The following LHFPL6 variants were observed in gnomAD, a reference collection of about 807,000 sequenced individuals.
The protein encoded by LHFPL6 is LHFPL tetraspan subfamily member 6.
LHFPL6 carries 9 observed loss-of-function variants against 20.6 expected under a neutral mutation model. The ratio of observed to expected loss-of-function variants is 0.44; its 90% CI spans 0.26 to 0.76. The LOEUF (loss-of-function observed/expected upper bound fraction) is 0.76, where lower values mean the gene tolerates loss of function less well. Ranked by LOEUF, LHFPL6 falls within the 30% of genes least tolerant of loss-of-function variation. The pLI, the probability that LHFPL6 is intolerant of heterozygous loss-of-function variation, is 0.20. For missense variants in LHFPL6, 218 were observed against 253.5 expected (o/e 0.86, Z 0.95); for synonymous variants, 105 against 98.7 (o/e 1.06, Z -0.38).
At chr13:39,415,032 C>T (rs1322372871) in intron 2 of LHFPL6, among the ~76,000 whole-genome samples, 2 of 152,166 alleles carry the variant, frequency 1.3e-5, no homozygotes, top group African/African-American at 4.8e-5. Flanking sequence ...GTCTGAGTTT[C>T]CCTTTCTAAC....
chr13:39,530,810 T>C (rs142028464), intron 2 of LHFPL6, among the ~76,000 whole-genome samples: 6 of 151,810 alleles, frequency 4.0e-5, no homozygotes, highest in Middle Eastern at 3.4e-3. Flanking sequence ...AAGCAGCATA[T>C]GGAAAAGGAC....
intron 3 of LHFPL6, among the ~76,000 whole-genome samples, chr13:39,362,076 A>G (rs1042749637): frequency 6.6e-6 from 1 of 152,224 alleles, no homozygotes; most frequent in Non-Finnish European, 1.5e-5. Flanking sequence ...AAATATAAAC[A>G]AGAATTTGAA....
rs542254918 is a variant in LHFPL6, at chr13:39,497,274, C to T, written c.385+103558G>A. Among the ~76,000 whole-genome samples the T allele has an allele frequency of 8.5e-5, 13 of 152,202 alleles. No homozygotes were observed. The South Asian group carries it at 1.7e-3, about 19-fold the overall frequency. Reference sequence around the variant, plus strand: ...ACAAAGCCACAAGCACTGTACTTACCGGCATTGACTTTGAATACCATGAGG... The same window carrying T: ...ACAAAGCCACAAGCACTGTACTTACTGGCATTGACTTTGAATACCATGAGG... On this transcript the variant is annotated intron_variant, in intron 2 of 3. Transcript: ENST00000379589.
intron 2 of LHFPL6, among the ~76,000 whole-genome samples, chr13:39,595,480 C>T (rs1040906835): frequency 6.6e-6 from 1 of 152,104 alleles, no homozygotes; most frequent in African/African-American, 2.4e-5. Flanking sequence ...TTTAGTGGAG[C>T]CAGGGTTTTG....
chr13:39,592,261 G>A (rs968121910), intron 2 of LHFPL6, among the ~76,000 whole-genome samples: 1 of 151,984 alleles, frequency 6.6e-6, no homozygotes, highest in Non-Finnish European at 1.5e-5. Flanking sequence ...ATGACAATTT[G>A]GAAACATCAT....
chr13:39,470,116 C>G (rs926559379), intron 2 of LHFPL6, among the ~76,000 whole-genome samples: 1 of 152,076 alleles, frequency 6.6e-6, no homozygotes, highest in African/African-American at 2.4e-5. Flanking sequence ...TATATATAAG[C>G]CACAGAAAGT....
chr13:39,588,310 A>G (rs1211043700), intron 2 of LHFPL6, among the ~76,000 whole-genome samples: 1 of 152,340 alleles, frequency 6.6e-6, no homozygotes, highest in East Asian at 1.9e-4. Flanking sequence ...ACATTATTTG[A>G]CATACAGTGG....
Position 39,558,279 on chromosome 13 carries a change from G to C in LHFPL6, c.385+42553C>G, listed in dbSNP as rs148164151. 2.3e-3 allele frequency among the ~76,000 whole-genome samples: 357 copies of C among 152,248 alleles called. 2 individuals carry two copies. Among genetic ancestry groups the C allele is most frequent in the African/African-American group, 7.8e-3 (325 of 41,556 alleles). ...CCTCCAATTCATTACATGAAAAATA[G>C]GAATAATTCCTGCCTCGCGGTAGGG... On this transcript the variant is annotated intron_variant, in intron 2 of 3. Coordinates refer to ENST00000379589, the MANE Select transcript of LHFPL6 (RefSeq NM_005780.3).
At chr13:39,397,614 C>A (rs2138376160) in intron 2 of LHFPL6, among the ~76,000 whole-genome samples, 1 of 152,322 alleles carries the variant, frequency 6.6e-6, no homozygotes, top group South Asian at 2.1e-4. Flanking sequence ...GGTTTGGCTA[C>A]TTGTTCTCCA....
rs971947889 is a variant in LHFPL6 at position 39,343,966 on chromosome 13, C to T, written c.573G>A (p.Ser191=). 3.7e-6 allele frequency: 6 copies of T among 1,613,614 alleles called. No homozygotes were observed. Among genetic ancestry groups the T allele is most frequent in the Admixed American group, 3.3e-5 (2 of 59,966 alleles). Residue 191 remains serine, a synonymous_variant, in exon 4 of 4, where the codon TCG becomes TCA. Transcript: ENST00000379589. The part of the protein sequence containing the change: ...MLLCTWLACF[S]GKKQKHYPY Reference sequence around the variant, plus strand: ...ATGGGTAGTGCTTCTGTTTCTTGCCCGAAAAGCAAGCCAGCCACGTGCACA... The same window carrying T: ...ATGGGTAGTGCTTCTGTTTCTTGCCTGAAAAGCAAGCCAGCCACGTGCACA...
intron 2 of LHFPL6, among the ~76,000 whole-genome samples, chr13:39,472,116 T>C (rs7990622): frequency 0.019 from 2,846 of 152,318 alleles, 96 homozygotes; most frequent in African/African-American, 0.065. Context: ...CATTCATTTT[T>C]TTCCATCTGA....
At chr13:39,459,779 CTTAGGGATAATCA>C (rs1872649735) in intron 2 of LHFPL6, among the ~76,000 whole-genome samples, 1 of 152,146 alleles carries the variant, frequency 6.6e-6, no homozygotes, top group Admixed American at 6.6e-5. Context: ...ATCATGTGAA[CTTAGGGATAATCA>C]TTTGTGGCAA....
chr13:39,585,714 T>C (rs1872428329), intron 2 of LHFPL6, among the ~76,000 whole-genome samples: 1 of 152,218 alleles, frequency 6.6e-6, no homozygotes, highest in East Asian at 1.9e-4. Flanking sequence ...CTATGAATGC[T>C]CCCTGCCCAC....
At chr13:39,441,934 A>G in intron 2 of LHFPL6, among the ~76,000 whole-genome samples, 1 of 147,794 alleles carries the variant, frequency 6.8e-6, no homozygotes, top group East Asian at 2.0e-4. Flanking sequence ...GGTTCAAGCG[A>G]TTCTCCTGCC....
At chr13:39,599,537 A>C (rs752548281) in intron 2 of LHFPL6, among the ~76,000 whole-genome samples, 2 of 152,200 alleles carry the variant, frequency 1.3e-5, no homozygotes, top group Admixed American at 6.5e-5. Context: ...GGTCCCCCAC[A>C]CTGCCTCCCG....
intron 2 of LHFPL6, among the ~76,000 whole-genome samples, chr13:39,470,280 A>G (rs1264947158): frequency 6.6e-6 from 1 of 152,178 alleles, no homozygotes. Context: ...CAAATCTAAT[A>G]TGTTTAATTT....
intron 2 of LHFPL6, among the ~76,000 whole-genome samples, chr13:39,570,055 G>T (rs191436933): frequency 1.3e-5 from 2 of 152,222 alleles, no homozygotes; most frequent in South Asian, 4.2e-4. Flanking sequence ...GGAAACAATG[G>T]CCTGAGGAAA....
intron 3 of LHFPL6, among the ~76,000 whole-genome samples, chr13:39,352,975 A>G (rs1869630240): frequency 2.3e-5 from 3 of 131,400 alleles, no homozygotes; most frequent in African/African-American, 9.0e-5. Context: ...ACACACACAT[A>G]TATATATATA....
chr13:39,377,666 A>T (rs1870323707), intron 3 of LHFPL6, among the ~76,000 whole-genome samples: 2 of 152,252 alleles, frequency 1.3e-5, no homozygotes, highest in Non-Finnish European at 2.9e-5. Flanking sequence ...AGTATTCTGC[A>T]AAATATTTTA....
Sources: allele counts gnomAD v4.1 joint callset (sites outside exome capture counted in the v4.1 genomes callset), GRCh38; gene constraint gnomAD v4.1.1; transcripts MANE v1.5; gene names NCBI Gene and HGNC (gene_info 2026-07-23, HGNC 2026-07-21).